NDUFAF2: variants seen among roughly 807,000 people sequenced by gnomAD.
NDUFAF2 encodes the protein NADH:ubiquinone oxidoreductase complex assembly factor 2.
Under a neutral mutation model 22.8 loss-of-function variants are expected in NDUFAF2, and 13 were observed. That is an observed-to-expected ratio of 0.57 (90% CI 0.37 to 0.91). NDUFAF2 has a LOEUF of 0.91. Ranked by LOEUF, NDUFAF2 falls within the 40% of genes least tolerant of loss-of-function variation. The pLI is 0.01. For synonymous variants in NDUFAF2, 53 were observed against 64.2 expected (o/e 0.83, Z 0.84); for missense variants, 162 against 195.2 (o/e 0.83, Z 1.01).
intron 3 of NDUFAF2, among the ~76,000 whole-genome samples, chr5:61,111,066 A>G (rs899277276): frequency 1.1e-4 from 17 of 152,076 alleles, no homozygotes; most frequent in African/African-American, 4.1e-4. Context: ...TAAATTCTTC[A>G]TTGACCCACT....
chr5:60,970,121 T>C (rs1750808598), intron 1 of NDUFAF2, among the ~76,000 whole-genome samples: 1 of 152,102 alleles, frequency 6.6e-6, no homozygotes, highest in African/African-American at 2.4e-5. Context: ...ATTTTGGTTA[T>C]TATATCTCTG....
chr5:61,148,294 A>C (rs544854484), intron 3 of NDUFAF2, among the ~76,000 whole-genome samples: 1 of 152,316 alleles, frequency 6.6e-6, no homozygotes, highest in Admixed American at 6.5e-5. Context: ...TTCAGGGATC[A>C]CACTACTGTG....
chr5:61,041,514 G>A (rs1751882305), intron 1 of NDUFAF2, among the ~76,000 whole-genome samples: 1 of 152,102 alleles, frequency 6.6e-6, no homozygotes, highest in African/African-American at 2.4e-5. Flanking sequence ...GAGATTGTAG[G>A]TAAGAAATAT....
intron 1 of NDUFAF2, among the ~76,000 whole-genome samples, chr5:61,015,478 C>T (rs1294848156): frequency 1.3e-5 from 2 of 152,076 alleles, no homozygotes; most frequent in African/African-American, 2.4e-5. Flanking sequence ...GATGGAGTTT[C>T]ACTATGTTGG....
intron 1 of NDUFAF2, among the ~76,000 whole-genome samples, chr5:61,012,747 G>A (rs1187636513): frequency 6.6e-6 from 1 of 151,624 alleles, no homozygotes; most frequent in African/African-American, 2.4e-5. Flanking sequence ...TATTATTTTT[G>A]TTTAATAGAA....
intron 1 of NDUFAF2, among the ~76,000 whole-genome samples, chr5:60,991,801 G>A (rs1033922723): frequency 3.9e-5 from 6 of 152,038 alleles, no homozygotes; most frequent in Middle Eastern, 3.2e-3. Flanking sequence ...ATTTCTTTGG[G>A]GTATGTACCT....
chr5:61,070,891 A>G (rs1752289905), intron 1 of NDUFAF2, among the ~76,000 whole-genome samples: 1 of 150,022 alleles, frequency 6.7e-6, no homozygotes. Context: ...TTGCATTTTT[A>G]TTTTAGACAA....
chr5:60,992,412 T>C (rs1211859587), intron 1 of NDUFAF2, among the ~76,000 whole-genome samples: 1 of 152,222 alleles, frequency 6.6e-6, no homozygotes, highest in Non-Finnish European at 1.5e-5. Flanking sequence ...CTGTTTTCTT[T>C]TAGTATAATA....
intron 1 of NDUFAF2, among the ~76,000 whole-genome samples, chr5:60,967,128 T>G (rs955532295): frequency 6.6e-6 from 1 of 151,968 alleles, no homozygotes; most frequent in Non-Finnish European, 1.5e-5. Flanking sequence ...TGGAATTGAT[T>G]TTTTTATTCT....
At chr5:60,949,927 A>G (rs916219847) in intron 1 of NDUFAF2, among the ~76,000 whole-genome samples, 1 of 152,164 alleles carries the variant, frequency 6.6e-6, no homozygotes, top group Non-Finnish European at 1.5e-5. Flanking sequence ...CATGTTGAGC[A>G]TGTATCTTGC....
chr5:61,088,225 G>C (rs1465906262), intron 2 of NDUFAF2, among the ~76,000 whole-genome samples: 1 of 152,032 alleles, frequency 6.6e-6, no homozygotes, highest in South Asian at 2.1e-4. Flanking sequence ...GCCAGCCAGG[G>C]GGAAAAATAC....
chr5:61,137,928 A>G (rs544850772), intron 3 of NDUFAF2, among the ~76,000 whole-genome samples: 26 of 152,354 alleles, frequency 1.7e-4, no homozygotes, highest in African/African-American at 5.8e-4. Context: ...GTCTTTGTAC[A>G]TCTGGTTGAA....
chr5:61,152,586 A>C, intron 3 of NDUFAF2, 118 bp from the exon 4 acceptor site: 1 of 671,714 alleles, frequency 1.5e-6, no homozygotes, highest in Non-Finnish European at 2.2e-6. Flanking sequence ...ATTTAAATGC[A>C]AAGTATGTAT....
intron 1 of NDUFAF2, among the ~76,000 whole-genome samples, chr5:61,013,715 T>TC (rs34227004): frequency 2.0e-5 from 3 of 151,660 alleles, no homozygotes; most frequent in Admixed American, 2.0e-4. Flanking sequence ...TTTTTTTTTT[T>TC]GGTAGAGTTA....
rs773080678 is a variant in NDUFAF2, at chr5:60,945,563, G to C, written c.127+181G>C. 20 of 953,706 alleles carry C rather than the reference G, an allele frequency of 2.1e-5. No homozygotes were observed. The African/African-American group carries it at 2.6e-4, about 12-fold the overall frequency. The allele number at this position is 953,706 out of a possible 1,614,324, so 59.1% of individuals were successfully genotyped here. On this transcript the variant is annotated intron_variant, in intron 1 of 3. Transcript: ENST00000296597. ...TCACTCTGGCATCGGAGCCCTACCC[G>C]GCCCGGCTCTGGGCGCCTTGGCCCG...
chr5:60,948,822 G>A (rs1750501433), intron 1 of NDUFAF2, among the ~76,000 whole-genome samples: 1 of 152,168 alleles, frequency 6.6e-6, no homozygotes, highest in East Asian at 1.9e-4. Context: ...ATTTAGAAAT[G>A]GAATGGCTGA....
intron 1 of NDUFAF2, among the ~76,000 whole-genome samples, chr5:61,006,101 C>G (rs1324599758): frequency 2.6e-5 from 4 of 152,112 alleles, no homozygotes; most frequent in Admixed American, 2.0e-4. Flanking sequence ...TTTAATCCAT[C>G]TTGAATTAAT....
intron 1 of NDUFAF2, among the ~76,000 whole-genome samples, chr5:60,985,547 C>T (rs568348422): frequency 2.0e-5 from 3 of 152,184 alleles, no homozygotes; most frequent in South Asian, 2.1e-4. Context: ...TATAAATTTC[C>T]GTCTACACAC....
intron 1 of NDUFAF2, among the ~76,000 whole-genome samples, chr5:61,068,494 A>G (rs1007158402): frequency 1.3e-5 from 2 of 152,152 alleles, no homozygotes; most frequent in Non-Finnish European, 2.9e-5. Context: ...TTTTAATCTC[A>G]TAAATACATG....
Sources: gnomAD v4.1 joint callset for allele counts (sites outside exome capture counted in the v4.1 genomes callset) on GRCh38, gnomAD v4.1.1 for gene constraint, MANE v1.5 for transcripts, NCBI Gene and HGNC (gene_info 2026-07-23, HGNC 2026-07-21) for gene names.